Variants in PCDHA9 observed in about 807,000 individuals in gnomAD.
PCDHA9 encodes the protein protocadherin alpha-9.
A neutral mutation model predicts 62.0 loss-of-function variants in PCDHA9; 62 were observed. The ratio of observed to expected loss-of-function variants is 1.00; its 90% confidence interval spans 0.81 to 1.23. PCDHA9 has a LOEUF of 1.23. Among genes scored for constraint, PCDHA9 ranks in the 50% most tolerant of loss-of-function variants. The probability of loss-of-function intolerance (pLI) is 0.00; values close to 1 mark genes in which losing one functional copy is unlikely to be tolerated. For synonymous variants in PCDHA9, 557 were observed against 567.6 expected (o/e 0.98, Z 0.27); for missense variants, 1,205 against 1,249.8 (o/e 0.96, Z 0.54).
chr5:140,916,561 G>A (rs1038683507), intron 1 of PCDHA9, among the ~76,000 whole-genome samples: 9 of 152,180 alleles, frequency 5.9e-5, no homozygotes, highest in African/African-American at 2.2e-4. Context: ...TTTGTCCAGG[G>A]TGTGTCTAGA....
At chr5:140,862,706 G>A in intron 1 of PCDHA9, 1 of 558,712 alleles carries the variant, frequency 1.8e-6, no homozygotes, top group South Asian at 1.4e-5. Context: ...ATGGAACAGC[G>A]GGTGGGCGAG....
At chr5:140,867,456 T>G (rs1035822606) in intron 1 of PCDHA9, 8 of 152,272 alleles carry the variant, frequency 5.3e-5, no homozygotes, top group African/African-American at 1.9e-4. Context: ...AGAGTTCTAG[T>G]GTTATGACAA....
At chr5:140,973,328 C>T (rs1315251124) in intron 1 of PCDHA9, among the ~76,000 whole-genome samples, 1 of 152,114 alleles carries the variant, frequency 6.6e-6, no homozygotes, top group Non-Finnish European at 1.5e-5. Flanking sequence ...AGTTTACACT[C>T]GTTGTAAAGT....
intron 1 of PCDHA9, chr5:140,862,433 G>C (rs781821294): frequency 2.8e-6 from 1 of 354,766 alleles, no homozygotes; most frequent in African/African-American, 2.1e-5. Context: ...GAAACTATTC[G>C]TTGGTACTCC....
At position 140,850,436 on chromosome 5, in the gene PCDHA9, A is replaced by G. The variant is rs2150484342; in HGVS notation, c.1941A>G (p.Leu647=). The G allele has an allele frequency of 6.3e-7, 1 of 1,597,612 alleles. No homozygotes were observed. The highest frequency in any genetic ancestry group is 1.7e-5 in the Admixed American group (1 of 59,268). Reference sequence around the variant, plus strand: ...AAACGGACGCACCGCGCCAGCGCCTACTGGTGCTGGTGAAAGACCACGGGG... The same window carrying G: ...AAACGGACGCACCGCGCCAGCGCCTGCTGGTGCTGGTGAAAGACCACGGGG... The part of the protein sequence containing the change: ...LDETDAPRQR[L]LVLVKDHGEP... Residue 647 remains leucine (L), a synonymous_variant, in exon 1 of 4, where the codon CTA becomes CTG. Coordinates refer to ENST00000532602, the MANE Select transcript of PCDHA9 (RefSeq NM_031857.2).
intron 1 of PCDHA9, chr5:140,875,192 C>T (rs2055339316): frequency 2.0e-6 from 1 of 509,102 alleles, no homozygotes. Flanking sequence ...AAGAGTGACC[C>T]AGGAAGTGGC....
intron 1 of PCDHA9, chr5:140,855,998 G>T: frequency 6.6e-7 from 1 of 1,511,404 alleles, no homozygotes; most frequent in Non-Finnish European, 8.9e-7. Flanking sequence ...CAGATCGTAT[G>T]TGCGTTCTAG....
intron 3 of PCDHA9, among the ~76,000 whole-genome samples, chr5:140,985,683 G>T (rs926848363): frequency 3.3e-5 from 5 of 151,148 alleles, no homozygotes; most frequent in Admixed American, 6.6e-5. Flanking sequence ...CCTGCCTTAC[G>T]CTAATCCTCG....
At chr5:140,967,481 G>C (rs1554229603) in intron 1 of PCDHA9, 2 of 1,613,426 alleles carry the variant, frequency 1.2e-6, no homozygotes, top group Admixed American at 1.7e-5. Flanking sequence ...AGCCCGCTCG[G>C]GTACGGCACA....
At chr5:140,882,325 G>A (rs2059066855) in intron 1 of PCDHA9, 1 of 1,614,182 alleles carries the variant, frequency 6.2e-7, no homozygotes, top group Non-Finnish European at 8.5e-7. Context: ...TCTGGCTTCT[G>A]ATCCTCGCAG....
At position 141,012,035 on chromosome 5, in the gene PCDHA9, G is replaced by A. The variant is rs908623831; in HGVS notation, c.*2098G>A. The A allele has an allele frequency of 1.3e-5, 2 of 153,684 alleles. No individual in the cohort carries two copies. The highest frequency in any genetic ancestry group is 2.9e-5 in the Non-Finnish European group (2 of 68,026). The allele number at this position is 153,684 out of a possible 1,614,324, so 9.5% of individuals were successfully genotyped here. A position where few individuals can be genotyped will look rare whatever the true frequency, so the allele number is the denominator to read the frequency against. On this transcript the variant is annotated 3_prime_UTR_variant, in exon 4 of 4. Coordinates refer to ENST00000532602, the MANE Select transcript of PCDHA9 (RefSeq NM_031857.2). The stretch of plus-strand genomic sequence containing the variant: ...TGTGTAACTTCAGCTCTGCAGGATT[G>A]CATGGGGTAAAACTTGTTACCAACA...
At chr5:140,946,295 C>T (rs543000779) in intron 1 of PCDHA9, among the ~76,000 whole-genome samples, 2 of 151,940 alleles carry the variant, frequency 1.3e-5, no homozygotes, top group South Asian at 4.1e-4. Context: ...TCACCTCACA[C>T]CTGGTAGAAT....
rs2150477192 is a variant in PCDHA9 at position 140,850,277 on chromosome 5, G to A, written c.1782G>A (p.Val594=). 6.3e-7 allele frequency: 1 copy of A among 1,595,522 alleles called. No homozygotes were observed. Among genetic ancestry groups the A allele is most frequent in the South Asian group, 1.1e-5 (1 of 90,460 alleles). ...GCGCCGGCGTAGTGGTGGGGAAGGT[G>A]CGCGCAGTGGACGCCGACTCGGGCT... ...SVGAGVVVGK[V]RAVDADSGYN... The change falls in exon 1 of 4, where the codon GTG becomes GTA. Residue 594 remains valine, a synonymous_variant. Coordinates refer to ENST00000532602, the MANE Select transcript of PCDHA9 (RefSeq NM_031857.2).
At chr5:140,948,897 T>C (rs1487067374) in intron 1 of PCDHA9, among the ~76,000 whole-genome samples, 1 of 151,680 alleles carries the variant, frequency 6.6e-6, no homozygotes. Context: ...AGATTTTAAG[T>C]GGATTCTTAG....
At chr5:140,880,064 G>C (rs967410421) in intron 1 of PCDHA9, among the ~76,000 whole-genome samples, 2 of 152,148 alleles carry the variant, frequency 1.3e-5, no homozygotes, top group African/African-American at 2.4e-5. Context: ...ACTTTTTGGG[G>C]ACCACAATTC....
intron 1 of PCDHA9, chr5:140,927,440 C>T (rs782460713): frequency 3.7e-6 from 6 of 1,614,050 alleles, no homozygotes; most frequent in Admixed American, 3.3e-5. Context: ...AGCGAATACC[C>T]GGAGTTGGTG....
At chr5:140,891,644 T>C (rs1554184907) in intron 1 of PCDHA9, among the ~76,000 whole-genome samples, 1 of 152,246 alleles carries the variant, frequency 6.6e-6, no homozygotes, top group Non-Finnish European at 1.5e-5. Context: ...TGGGCTTTAT[T>C]GTGGATAGTT....
intron 1 of PCDHA9, chr5:140,967,210 C>T (rs146322183): frequency 1.4e-4 from 231 of 1,613,674 alleles, no homozygotes; most frequent in Admixed American, 5.0e-4. Flanking sequence ...CACCGCGTTT[C>T]CCGCGGCCCA....
At chr5:140,854,589 AG>A (rs1479719574) in intron 1 of PCDHA9, 1 of 150,000 alleles carries the variant, frequency 6.7e-6, no homozygotes, top group African/African-American at 2.4e-5. Flanking sequence ...TAATAAAAAA[AG>A]TTTAAAGTAA....
Sources: gnomAD v4.1 joint callset for allele counts (sites outside exome capture counted in the v4.1 genomes callset) on GRCh38, gnomAD v4.1.1 for gene constraint, MANE v1.5 for transcripts, NCBI Gene and HGNC (gene_info 2026-07-23, HGNC 2026-07-21) for gene names.